FYCO1: variants seen among roughly 807,000 people sequenced by gnomAD.
FYCO1 encodes FYVE and coiled-coil domain autophagy adaptor 1.
In FYCO1, 122 loss-of-function variants were observed where a neutral mutation model predicts 165.1. The ratio of observed to expected loss-of-function variants is 0.74; its 90% CI spans 0.64 to 0.86. The LOEUF is 0.86. Among genes scored for constraint, FYCO1 ranks in the 40% least tolerant of loss-of-function variants. The pLI is 0.00. For missense variants in FYCO1, 1,702 were observed against 1,810.3 expected (o/e 0.94, Z 1.09); for synonymous variants, 648 against 742.5 (o/e 0.87, Z 2.07).
At chr3:45,978,970 C>A (rs1706907257) in intron 4 of FYCO1, among the ~76,000 whole-genome samples, 1 of 151,638 alleles carries the variant, frequency 6.6e-6, no homozygotes, top group Non-Finnish European at 1.5e-5. Context: ...CATTCTCCTG[C>A]CTCAGCCTCC....
chr3:45,944,151 T>C (rs968145975), intron 14 of FYCO1, among the ~76,000 whole-genome samples: 7 of 152,026 alleles, frequency 4.6e-5, no homozygotes, highest in African/African-American at 1.7e-4. Flanking sequence ...AAGGGGTTCA[T>C]GGACTCCCAG....
At chr3:45,995,342 A>C (rs1466732602) in intron 1 of FYCO1, among the ~76,000 whole-genome samples, 1 of 152,196 alleles carries the variant, frequency 6.6e-6, no homozygotes, top group Non-Finnish European at 1.5e-5. Flanking sequence ...CTTCCTAAAG[A>C]CCACGCAGGC....
chr3:45,960,560 A>G (rs1705645176), intron 11 of FYCO1, among the ~76,000 whole-genome samples: 1 of 152,142 alleles, frequency 6.6e-6, no homozygotes, highest in Admixed American at 6.5e-5. Flanking sequence ...TTTCCATCAC[A>G]CCCCTCAGGT....
Position 45,967,361 on chromosome 3 carries a change from C to T in FYCO1, c.1973G>A (p.Gly658Asp), listed in dbSNP as rs752562446. The change falls in exon 8 of 18, where the codon GGC becomes GAC. Residue 658 changes from glycine to aspartate, a missense_variant. Gly to Asp is a moderately conservative substitution (Grantham distance 94). Coordinates refer to ENST00000296137, the MANE Select transcript of FYCO1 (RefSeq NM_024513.4). ...CTCGGCCTCCAGGGAGGCCAAGGAG[C>T]CCTGGATGGCTGATTCCCGCTGCTG... Reference protein sequence around the residue: ...ALQQRESAIQGSLASLEAEQA... With the variant: ...ALQQRESAIQDSLASLEAEQA... The T allele has an allele frequency of 1.2e-6, 2 of 1,609,424 alleles. No individual in the cohort carries two copies. Among genetic ancestry groups the T allele is most frequent in the South Asian group, 2.2e-5 (2 of 90,974 alleles).
In FYCO1 at chr3:45,962,742, A is replaced by G. The variant is rs1705777004; in HGVS notation, c.3270-350T>C. Among the ~76,000 whole-genome samples, 2 of 152,166 alleles carry G rather than the reference A, an allele frequency of 1.3e-5. No homozygotes were observed. The highest frequency in any genetic ancestry group is 2.9e-5 in the Non-Finnish European group (2 of 68,022). On this transcript the variant is annotated intron_variant, in intron 10 of 17. Transcript: ENST00000296137. The surrounding 1 kb of genome is among the most constrained non-coding windows in gnomAD (Gnocchi z 4.4). Reference sequence around the variant, plus strand: ...ATGGGGAGGATGGGCAGGAGGAGAAAGGAGTCAGGACAGGCAGGACAGAGG... The same window carrying G: ...ATGGGGAGGATGGGCAGGAGGAGAAGGGAGTCAGGACAGGCAGGACAGAGG...
At chr3:45,966,084 G>T (rs1420682056) in intron 8 of FYCO1, among the ~76,000 whole-genome samples, 193 bp downstream of exon 8, 1 of 152,190 alleles carries the variant, frequency 6.6e-6, no homozygotes, top group African/African-American at 2.4e-5. Flanking sequence ...AATGTTCTGC[G>T]CCTAACATAT....
In FYCO1 at chr3:45,993,524, CA is replaced by C. The variant is rs11284688; in HGVS notation, c.-113+2197del. Among the ~76,000 whole-genome samples, 2,123 of 152,282 alleles carry C rather than the reference CA, an allele frequency of 0.014. 109 individuals are homozygous for C. Among genetic ancestry groups the C allele is most frequent in the Admixed American group, 0.12 (1,803 of 15,294 alleles). Reference sequence around the variant, plus strand: ...ATTGCTCAGATAGAGGCTCTTATACCAATAAAGACTTCTTATTTTCTTGAAA... The same window carrying C: ...ATTGCTCAGATAGAGGCTCTTATACCATAAAGACTTCTTATTTTCTTGAAA... On this transcript the variant is annotated intron_variant, in intron 1 of 17. Transcript: ENST00000296137. This position sits in a 1 kb window ranked among gnomAD's most constrained non-coding sequence, Gnocchi z 4.4.
intron 14 of FYCO1, among the ~76,000 whole-genome samples, chr3:45,942,579 G>A (rs1248971597): frequency 1.3e-5 from 2 of 152,216 alleles, no homozygotes; most frequent in East Asian, 3.8e-4. Context: ...CAGACATCGA[G>A]TCCATGCCTC....
In FYCO1 at chr3:45,964,441, T is replaced by C. The variant is rs1440849720; in HGVS notation, c.3164A>G (p.Asp1055Gly). The stretch of plus-strand genomic sequence containing the variant: ...AGTGCAGCTCAGCTTCTCTCCCATG[T>C]CTGCTTGGGTGGCCTGGCACAGGAC... ...AVEKLKATQADMGEKLSCTSN... is the reference protein window; with the variant it reads ...AVEKLKATQAGMGEKLSCTSN... Residue 1055 changes from aspartate to glycine, a missense_variant, in exon 10 of 18, where the codon GAC becomes GGC. By Grantham distance (94) the Asp-to-Gly change is moderately conservative. Coordinates refer to ENST00000296137, the MANE Select transcript of FYCO1 (RefSeq NM_024513.4). The surrounding 1 kb of genome is among the most constrained non-coding windows in gnomAD (Gnocchi z 4.1). The C allele has an allele frequency of 2.5e-6, 4 of 1,614,016 alleles. No individual in the cohort carries two copies. The South Asian group carries it at 4.4e-5, about 18-fold the overall frequency.
chr3:45,989,945 C>T (rs1037438837), intron 1 of FYCO1, among the ~76,000 whole-genome samples: 2 of 152,154 alleles, frequency 1.3e-5, no homozygotes, highest in Non-Finnish European at 1.5e-5. Context: ...CAAGAGGTGA[C>T]AATGACAGGC....
intron 14 of FYCO1, chr3:45,946,303 G>T: frequency 1.7e-6 from 1 of 586,672 alleles, no homozygotes; most frequent in Non-Finnish European, 3.0e-6. Context: ...CCTCAGAATT[G>T]GTTATCTTCA....
chr3:45,964,661 G>C lies in FYCO1; in HGVS notation c.3151-207C>G, dbSNP rs1310683702. The stretch of plus-strand genomic sequence containing the variant: ...AGTTGTGGTGGTTGGCAAGTGGCAG[G>C]TACCAGAATTCCCAGGGTAACACTG... On this transcript the variant is annotated intron_variant, in intron 9 of 17. Transcript: ENST00000296137. The surrounding 1 kb of genome is among the most constrained non-coding windows in gnomAD (Gnocchi z 4.1). The C allele has an allele frequency of 1.8e-6, 1 of 565,136 alleles. No individual in the cohort carries two copies. Among genetic ancestry groups the C allele is most frequent in the Non-Finnish European group, 2.2e-6 (1 of 446,198 alleles). The allele number at this position is 565,136 out of a possible 1,614,324, so 35.0% of individuals were successfully genotyped here. A position where few individuals can be genotyped will look rare whatever the true frequency, so the allele number is the denominator to read the frequency against.
chr3:45,988,519 A>G (rs1281354557), intron 1 of FYCO1, among the ~76,000 whole-genome samples: 1 of 152,194 alleles, frequency 6.6e-6, no homozygotes, highest in Non-Finnish European at 1.5e-5. Flanking sequence ...CCCCAGCACC[A>G]GCGTAAGGAC....
Position 45,918,026 on chromosome 3 carries a change from AG to A in FYCO1, c.*3738del, listed in dbSNP as rs1702968866. The stretch of plus-strand genomic sequence containing the variant: ...CAAAAGTTTTCCACCCCCATTGAGC[AG>A]GTGGGGTGCTGGTATTTGATGTGCT... On this transcript the variant is annotated 3_prime_UTR_variant, in exon 18 of 18. Transcript: ENST00000296137. 6.6e-6 allele frequency: 1 copy of A among 152,668 alleles called. No homozygotes were observed. Among genetic ancestry groups the A allele is most frequent in the African/African-American group, 2.4e-5 (1 of 41,460 alleles). 9.5% of individuals were successfully genotyped at this position (152,668 alleles called of 1,614,324 possible). A position where few individuals can be genotyped will look rare whatever the true frequency, so the allele number is the denominator to read the frequency against.
At position 45,995,789 on chromosome 3, in the gene FYCO1, C is replaced by G. The variant is rs1707776297; in HGVS notation, c.-180G>C. On this transcript the variant is annotated 5_prime_UTR_variant, in exon 1 of 18. Transcript: ENST00000296137. The stretch of plus-strand genomic sequence containing the variant: ...GGCCAAGCGGAAGAGGACGGGAACG[C>G]GGTGCTGACGGCCATGACGCGCACA... 6.6e-6 allele frequency: 1 copy of G among 152,666 alleles called. No homozygotes were observed. Among genetic ancestry groups the G allele is most frequent in the Non-Finnish European group, 1.5e-5 (1 of 68,090 alleles). 9.5% of individuals were successfully genotyped at this position (152,666 alleles called of 1,614,324 possible).
At position 45,967,167 on chromosome 3, in the gene FYCO1, C is replaced by T; in HGVS notation, c.2167G>A (p.Ala723Thr). The T allele has an allele frequency of 3.1e-6, 5 of 1,613,388 alleles. 1 individual carries two copies. The highest frequency in any genetic ancestry group is 2.2e-5 in the South Asian group (2 of 91,074). ...REEVEQCQQL[A>T]EARHRELRAL... is the part of the protein sequence containing the mutation. ...CTAAGCTCTCTGTGCCGGGCTTCTG[C>T]CAGTTGCTGGCACTGCTCCACCTCC... Residue 723 changes from alanine to threonine, a missense_variant, in exon 8 of 18, where the codon GCA (alanine) becomes ACA (threonine). Coordinates refer to ENST00000296137, the MANE Select transcript of FYCO1 (RefSeq NM_024513.4).
At chr3:45,981,058 A>G (rs1416465352) in intron 3 of FYCO1, among the ~76,000 whole-genome samples, 1 of 152,210 alleles carries the variant, frequency 6.6e-6, no homozygotes, top group Non-Finnish European at 1.5e-5. Context: ...AGAATATACT[A>G]CAAATAAGCT....
At position 45,962,772 on chromosome 3, in the gene FYCO1, GCTT is replaced by G. The variant is rs372206262; in HGVS notation, c.3270-383_3270-381del. 3.6e-3 allele frequency among the ~76,000 whole-genome samples: 542 copies of G among 152,284 alleles called. 8 individuals carry two copies. Among genetic ancestry groups the G allele is most frequent in the African/African-American group, 0.012 (503 of 41,552 alleles). On this transcript the variant is annotated intron_variant, in intron 10 of 17. Coordinates refer to ENST00000296137, the MANE Select transcript of FYCO1 (RefSeq NM_024513.4). The surrounding 1 kb of genome is among the most constrained non-coding windows in gnomAD (Gnocchi z 4.4). ...TCAGGACAGGCAGGACAGAGGTGTA[GCTT>G]CCTGGAGGTGGCCACACAGAGGAGG...
chr3:45,959,445 A>T lies in FYCO1; in HGVS notation c.3535T>A (p.Cys1179Ser). Residue 1179 changes from cysteine to serine, a missense_variant, in exon 12 of 18, where the codon TGC (cysteine) becomes AGC (serine). Physicochemically the swap from Cys to Ser is moderately radical, Grantham distance 112. Transcript: ENST00000296137. ...RWLGDTEANH[C>S]LDCKREFSWM... is the part of the protein sequence containing the mutation. ...CTGAACTCCCGCTTACAGTCGAGGC[A>T]GTGGTTTGCCTCTGTGTCTCCGAGC... 6.2e-7 allele frequency: 1 copy of T among 1,614,128 alleles called. No individual in the cohort carries two copies. The highest frequency in any genetic ancestry group is 1.3e-5 in the African/African-American group (1 of 75,040).
Sources: gnomAD v4.1 joint callset for allele counts (sites outside exome capture counted in the v4.1 genomes callset) on GRCh38, gnomAD v4.1.1 for gene constraint, Gnocchi (gnomAD v3.1) non-coding constraint, MANE v1.5 for transcripts, NCBI Gene and HGNC (gene_info 2026-07-23, HGNC 2026-07-21) for gene names.